The following PCDHA9 variants were observed in gnomAD, a reference collection of about 807,000 sequenced individuals.
PCDHA9 encodes the protein protocadherin alpha-9.
PCDHA9 carries 62 observed loss-of-function variants against 62.0 expected under a neutral mutation model. The observed-to-expected ratio is 1.00, with a 90% CI of 0.81 to 1.23. The LOEUF (loss-of-function observed/expected upper bound fraction) is 1.23, where lower values mean the gene tolerates loss of function less well. PCDHA9 is among the 50% of genes most tolerant of loss of function. The pLI is 0.00. For synonymous variants in PCDHA9, 557 were observed against 567.6 expected (o/e 0.98, Z 0.27); for missense variants, 1,205 against 1,249.8 (o/e 0.96, Z 0.54).
At chr5:140,961,652 G>A (rs2095627629) in intron 1 of PCDHA9, among the ~76,000 whole-genome samples, 1 of 152,212 alleles carries the variant, frequency 6.6e-6, no homozygotes, top group Non-Finnish European at 1.5e-5. Context: ...TATGTGGTTA[G>A]TTTGAAGTTA....
At chr5:140,962,438 GATGGCTTGAATCTCTT>G (rs1298191516) in intron 1 of PCDHA9, among the ~76,000 whole-genome samples, 11 of 152,108 alleles carry the variant, frequency 7.2e-5, no homozygotes, top group East Asian at 5.8e-4. Flanking sequence ...CTTATCCAAA[GATGGCTTGAATCTCTT>G]ATGGCTTGAA....
intron 3 of PCDHA9, among the ~76,000 whole-genome samples, chr5:141,009,180 T>C (rs1272195338): frequency 6.6e-6 from 1 of 152,170 alleles, no homozygotes; most frequent in Non-Finnish European, 1.5e-5. Context: ...CTTGGCTGGG[T>C]GTGGTAGCTC....
chr5:140,849,842 C>G lies in PCDHA9; in HGVS notation c.1347C>G (p.Asn449Lys). Residue 449 changes from asparagine (N) to lysine (K), a missense_variant, in exon 1 of 4, where the codon AAC becomes AAG. Transcript: ENST00000532602. Reference protein sequence around the residue: ...ARVSVEVADVNDNAPAFAQSE... With the variant: ...ARVSVEVADVKDNAPAFAQSE... ...TGTCTGTGGAGGTGGCCGACGTGAA[C>G]GACAACGCACCAGCGTTCGCGCAGT... 1 of 1,598,534 alleles carries G rather than the reference C, an allele frequency of 6.3e-7. No individual in the cohort carries two copies. The highest frequency in any genetic ancestry group is 8.6e-7 in the Non-Finnish European group (1 of 1,167,950).
At chr5:140,992,035 G>A (rs529236840) in intron 3 of PCDHA9, among the ~76,000 whole-genome samples, 1 of 151,988 alleles carries the variant, frequency 6.6e-6, no homozygotes, top group Non-Finnish European at 1.5e-5. Flanking sequence ...GTGTGTGTGT[G>A]TGTGTGTGTG....
intron 1 of PCDHA9, among the ~76,000 whole-genome samples, chr5:140,891,388 C>A (rs2063075244): frequency 6.6e-6 from 1 of 151,946 alleles, no homozygotes; most frequent in South Asian, 2.1e-4. Flanking sequence ...TATTTGCAAT[C>A]TTTTATCCCT....
At chr5:140,913,317 TTGTA>T (rs1269286947) in intron 1 of PCDHA9, among the ~76,000 whole-genome samples, 2 of 152,152 alleles carry the variant, frequency 1.3e-5, no homozygotes, top group African/African-American at 4.8e-5. Flanking sequence ...CCTTGGTAAG[TTGTA>T]TGTGTCTAGG....
At chr5:140,896,071 A>G (rs551803461) in intron 1 of PCDHA9, among the ~76,000 whole-genome samples, 1 of 152,248 alleles carries the variant, frequency 6.6e-6, no homozygotes, top group African/African-American at 2.4e-5. Context: ...TCGGCCTCCC[A>G]ACATGCTGGG....
At chr5:140,927,295 G>T (rs1343982131) in intron 1 of PCDHA9, 2 of 1,614,032 alleles carry the variant, frequency 1.2e-6, no homozygotes, top group African/African-American at 2.7e-5. Context: ...GCACATCCCC[G>T]AGTTCCTGAC....
rs1484271840 is a variant in PCDHA9 at position 140,900,260 on chromosome 5, A to G, written c.2394+49371A>G. Among the ~76,000 whole-genome samples the G allele has an allele frequency of 4.0e-5, 6 of 151,898 alleles. No homozygotes were observed. In the South Asian group the frequency reaches 1.0e-3, roughly 26 times the overall value. ...TTTTTTTATGGCTGAATAGTACTCC[A>G]TTGTGTATATGTACCACACTTTCTT... On this transcript the variant is annotated intron_variant, in intron 1 of 3. Coordinates refer to ENST00000532602, the MANE Select transcript of PCDHA9 (RefSeq NM_031857.2).
intron 1 of PCDHA9, among the ~76,000 whole-genome samples, chr5:140,912,893 T>C (rs1346036777): frequency 6.6e-6 from 1 of 152,262 alleles, no homozygotes; most frequent in East Asian, 1.9e-4. Context: ...TCTGTTGATA[T>C]GATGTATCAT....
chr5:140,848,940 G>C lies in PCDHA9; in HGVS notation c.445G>C (p.Asp149His). ...NLFIAESRPLDSRFPLEGASD... is the reference protein window; with the variant it reads ...NLFIAESRPLHSRFPLEGASD... Reference sequence around the variant, plus strand: ...GTTCATCGCGGAATCCAGGCCGCTTGACTCTCGGTTTCCACTAGAGGGCGC... The same window carrying C: ...GTTCATCGCGGAATCCAGGCCGCTTCACTCTCGGTTTCCACTAGAGGGCGC... The change falls in exon 1 of 4, where the codon GAC becomes CAC. Residue 149 changes from aspartate (D) to histidine (H), a missense_variant. By Grantham distance (81) the Asp-to-His change is moderately conservative. Transcript: ENST00000532602. 1 of 1,607,456 alleles carries C rather than the reference G, an allele frequency of 6.2e-7. No individual in the cohort carries two copies. Among genetic ancestry groups the C allele is most frequent in the Non-Finnish European group, 8.5e-7 (1 of 1,176,850 alleles).
intron 1 of PCDHA9, chr5:140,927,757 A>G (rs957906084): frequency 3.2e-5 from 51 of 1,614,028 alleles, no homozygotes; most frequent in Admixed American, 1.0e-4. Flanking sequence ...CGTGCACCCT[A>G]AAAGTGGGGA....
At position 140,973,042 on chromosome 5, in the gene PCDHA9, T is replaced by C. The variant is rs78535788; in HGVS notation, c.2395-5907T>C. Among the ~76,000 whole-genome samples the C allele has an allele frequency of 5.1e-3, 779 of 152,252 alleles. 6 individuals carry two copies. Among genetic ancestry groups the C allele is most frequent in the African/African-American group, 0.018 (740 of 41,542 alleles). ...TGTTAATGAGTCACTTTGAGTACTCTAGTAGATTTGTCCAACAGTGTCTCA... is the reference window on the plus strand; with the variant it reads ...TGTTAATGAGTCACTTTGAGTACTCCAGTAGATTTGTCCAACAGTGTCTCA... On this transcript the variant is annotated intron_variant, in intron 1 of 3. Transcript: ENST00000532602.
chr5:140,948,403 T>A (rs2153683270), intron 1 of PCDHA9, among the ~76,000 whole-genome samples: 1 of 151,756 alleles, frequency 6.6e-6, no homozygotes, highest in Non-Finnish European at 1.5e-5. Context: ...GGTTGTGTAA[T>A]ATTGGTGTTA....
intron 1 of PCDHA9, among the ~76,000 whole-genome samples, chr5:140,978,203 C>T (rs1231262283): frequency 6.6e-6 from 1 of 152,178 alleles, no homozygotes; most frequent in East Asian, 1.9e-4. Context: ...CAATACACAA[C>T]TAATGCAAAA....
chr5:140,966,885 C>A (rs1554228854), intron 1 of PCDHA9: 1 of 1,590,816 alleles, frequency 6.3e-7, no homozygotes, highest in Admixed American at 1.7e-5. Flanking sequence ...CCTGGCCCTG[C>A]GGCCTCCCAG....
chr5:141,005,936 G>A (rs1233031842), intron 3 of PCDHA9, among the ~76,000 whole-genome samples: 1 of 151,890 alleles, frequency 6.6e-6, no homozygotes, highest in African/African-American at 2.4e-5. Context: ...GACAGAGTGA[G>A]AACCTATCTC....
In PCDHA9 at chr5:140,875,869, T is replaced by C. The variant is rs2055890630; in HGVS notation, c.2394+24980T>C. ...GGACATTAACGACAACCCGCCGGTG[T>C]TCAGAGAAAGGGAACAAAAGGTACC... On this transcript the variant is annotated intron_variant, in intron 1 of 3. Coordinates refer to ENST00000532602, the MANE Select transcript of PCDHA9 (RefSeq NM_031857.2). 4.3e-6 allele frequency: 7 copies of C among 1,614,170 alleles called. No individual in the cohort carries two copies. The East Asian group carries it at 1.6e-4, about 36-fold the overall frequency.
At chr5:140,989,928 A>T (rs2097366853) in intron 3 of PCDHA9, among the ~76,000 whole-genome samples, 1 of 152,032 alleles carries the variant, frequency 6.6e-6, no homozygotes, top group African/African-American at 2.4e-5. Context: ...GCAGAGATAG[A>T]TGACATTCCA....
Sources: allele counts gnomAD v4.1 joint callset (sites outside exome capture counted in the v4.1 genomes callset), GRCh38; gene constraint gnomAD v4.1.1; transcripts MANE v1.5; gene names NCBI Gene and HGNC (gene_info 2026-07-23, HGNC 2026-07-21).